The following NMU variants were observed in gnomAD, a reference collection of about 807,000 sequenced individuals.
NMU encodes neuromedin-U.
Under a neutral mutation model 35.4 loss-of-function variants are expected in NMU, and 29 were observed. That is an observed-to-expected ratio of 0.82 (90% confidence interval 0.61 to 1.12). NMU has a LOEUF of 1.12. Among genes scored for constraint, NMU ranks in the 50% most tolerant of loss-of-function variants. NMU has a pLI of 0.00. For missense variants in NMU, 199 were observed against 206.2 expected (o/e 0.97, Z 0.21); for synonymous variants, 78 against 81.3 (o/e 0.96, Z 0.22).
At chr4:55,597,960 T>A (rs1053042579) in intron 9 of NMU, among the ~76,000 whole-genome samples, 4 of 151,978 alleles carry the variant, frequency 2.6e-5, no homozygotes, top group Non-Finnish European at 5.9e-5. Flanking sequence ...AAAGAATTAC[T>A]GACAGATTTT....
At chr4:55,612,379 G>A (rs567622301) in intron 3 of NMU, among the ~76,000 whole-genome samples, 8 of 152,252 alleles carry the variant, frequency 5.3e-5, no homozygotes, top group South Asian at 2.1e-4. Context: ...CAGCCTGGGC[G>A]ACAGAGTGAG....
intron 3 of NMU, among the ~76,000 whole-genome samples, chr4:55,610,185 G>A (rs550809286): frequency 2.6e-5 from 4 of 152,212 alleles, no homozygotes; most frequent in Non-Finnish European, 5.9e-5. Flanking sequence ...AAAAGAGGTC[G>A]GGTGCAGGGG....
intron 6 of NMU, among the ~76,000 whole-genome samples, chr4:55,606,561 T>C (rs1434942879): frequency 6.6e-6 from 1 of 152,198 alleles, no homozygotes; most frequent in African/African-American, 2.4e-5. Context: ...TTGGATCAAA[T>C]GATTTTTAAA....
intron 3 of NMU, among the ~76,000 whole-genome samples, chr4:55,611,471 G>T (rs1733928804): frequency 6.6e-6 from 1 of 152,296 alleles, no homozygotes; most frequent in African/African-American, 2.4e-5. Context: ...CGCAGCCTAA[G>T]TTTACAGTGT....
At chr4:55,604,679 A>ATTTTTTTTTTTTTTTGTTTT (rs1733604767) in intron 7 of NMU, among the ~76,000 whole-genome samples, 1 of 47,610 alleles carries the variant, frequency 2.1e-5, no homozygotes, top group Non-Finnish European at 3.2e-5. Context: ...TGCCTGGCTA[A>ATTTTTTTTTTTTTTTGTTTT]TTTTTTTTTT....
At chr4:55,595,913 T>C (rs1042415697) in intron 9 of NMU, among the ~76,000 whole-genome samples, 1 of 152,056 alleles carries the variant, frequency 6.6e-6, no homozygotes, top group Non-Finnish European at 1.5e-5. Context: ...GTGCTGGGAT[T>C]ACAGGGGTGA....
At chr4:55,607,526 A>AC in intron 4 of NMU, 60 bp from the exon 5 acceptor site, 1 of 603,054 alleles carries the variant, frequency 1.7e-6, no homozygotes, top group Non-Finnish European at 2.9e-6. Context: ...TATCTTATAT[A>AC]CAGTAATTTT....
In NMU at chr4:55,630,552, A is replaced by C. The variant is rs1734714349; in HGVS notation, c.113-92T>G. The C allele has an allele frequency of 5.1e-6, 5 of 979,398 alleles. No homozygotes were observed. The Admixed American group carries it at 7.4e-5, about 15-fold the overall frequency. The allele number at this position is 979,398 out of a possible 1,614,324, so 60.7% of individuals were successfully genotyped here. Reference sequence around the variant, plus strand: ...TAATTCTTTCTCGCACACTTTCTTCATTTTTCACTGTACATCATCACCCAC... The same window carrying C: ...TAATTCTTTCTCGCACACTTTCTTCCTTTTTCACTGTACATCATCACCCAC... On this transcript the variant is annotated intron_variant, in intron 1 of 9. Transcript: ENST00000264218.
intron 2 of NMU, among the ~76,000 whole-genome samples, chr4:55,629,637 A>G (rs1032890503): frequency 4.7e-5 from 7 of 148,918 alleles, no homozygotes; most frequent in African/African-American, 1.8e-4. Context: ...AAAAAAAAAA[A>G]AAATTCCTGG....
intron 2 of NMU, 109 bp downstream of exon 2, chr4:55,630,293 A>T (rs1577964314): frequency 1.1e-6 from 1 of 871,770 alleles, no homozygotes; most frequent in South Asian, 1.5e-5. Context: ...TTTTATTATT[A>T]GAGTGTTGGT....
At chr4:55,608,048 G>A (rs995849564) in intron 4 of NMU, among the ~76,000 whole-genome samples, 1 of 151,764 alleles carries the variant, frequency 6.6e-6, no homozygotes. Context: ...TGGGGCGAGC[G>A]CCTGTAGTCC....
rs1354864909 is a variant in NMU at position 55,636,242 on chromosome 4, C to A, written c.-50G>T. ...GCTAGGGACGCTGCGCTGCGCCACG[C>A]GTAGCTGGTGCTCCACCTGGTGCCC... is the stretch of plus-strand genomic sequence containing the variant. On this transcript the variant is annotated 5_prime_UTR_variant, in exon 1 of 10. Transcript: ENST00000264218. The surrounding 1 kb of genome is among the most constrained non-coding windows in gnomAD (Gnocchi z 4.0). 4.2e-6 allele frequency: 6 copies of A among 1,420,936 alleles called. No individual in the cohort carries two copies. The highest frequency in any genetic ancestry group is 1.5e-5 in the South Asian group (1 of 66,084). The allele number at this position is 1,420,936 out of a possible 1,614,324, so 88.0% of individuals were successfully genotyped here.
At chr4:55,610,118 G>A (rs1733868249) in intron 3 of NMU, among the ~76,000 whole-genome samples, 1 of 152,100 alleles carries the variant, frequency 6.6e-6, no homozygotes, top group Non-Finnish European at 1.5e-5. Flanking sequence ...TTAAATGTAG[G>A]TAAAGTTCTC....
intron 4 of NMU, among the ~76,000 whole-genome samples, chr4:55,608,705 C>CT (rs3840303): frequency 2.3e-3 from 338 of 145,778 alleles, no homozygotes; most frequent in African/African-American, 6.1e-3. Context: ...ATACAGTTTG[C>CT]TTTTTTTTTT....
chr4:55,636,529 A>C, upstream of NMU: 2 of 243,430 alleles, frequency 8.2e-6, no homozygotes, highest in Non-Finnish European at 1.5e-5. This position sits in a 1 kb window ranked among gnomAD's most constrained non-coding sequence, Gnocchi z 4.0. Flanking sequence ...AATTTAAATA[A>C]TGCACCATTC....
chr4:55,613,061 C>G (rs1002271868), intron 3 of NMU, among the ~76,000 whole-genome samples: 1 of 152,020 alleles, frequency 6.6e-6, no homozygotes, highest in African/African-American at 2.4e-5. Flanking sequence ...GAACAGAAAA[C>G]CAAATACCAC....
At chr4:55,616,759 C>G (rs899381967) in intron 2 of NMU, among the ~76,000 whole-genome samples, 5 of 152,108 alleles carry the variant, frequency 3.3e-5, no homozygotes, top group Admixed American at 2.0e-4. Context: ...TCATATGGTT[C>G]TTTATGACAC....
At position 55,600,494 on chromosome 4, in the gene NMU, A is replaced by AT. The variant is rs774975584; in HGVS notation, c.489+27dup. On this transcript the variant is annotated intron_variant, in intron 8 of 9. Transcript: ENST00000264218. Reference sequence around the variant, plus strand: ...TATTTTTAAATTTTGGTGTAGATTGATTTTTTAAAAATACAGTATGTACCT... The same window carrying AT: ...TATTTTTAAATTTTGGTGTAGATTGATTTTTTTAAAAATACAGTATGTACCT... The AT allele has an allele frequency of 1.6e-5, 23 of 1,480,956 alleles. No homozygotes were observed. In the Admixed American group the frequency reaches 3.4e-4, roughly 22 times the overall value. The allele number at this position is 1,480,956 out of a possible 1,614,324, so 91.7% of individuals were successfully genotyped here.
At chr4:55,600,469 T>A in intron 8 of NMU, 53 bp downstream of exon 8, 1 of 1,161,448 alleles carries the variant, frequency 8.6e-7, no homozygotes, top group South Asian at 1.3e-5. Flanking sequence ...ACAGGGAACA[T>A]ATTTTTAAAT....
Sources: gnomAD v4.1 joint callset for allele counts (sites outside exome capture counted in the v4.1 genomes callset) on GRCh38, gnomAD v4.1.1 for gene constraint, Gnocchi (gnomAD v3.1) non-coding constraint, MANE v1.5 for transcripts, NCBI Gene and HGNC (gene_info 2026-07-23, HGNC 2026-07-21) for gene names.